Variants in KCNMA1 observed in about 807,000 individuals in gnomAD.
The protein encoded by KCNMA1 is Calcium-activated potassium channel subunit alpha-1.
Under a neutral mutation model 140.0 loss-of-function variants are expected in KCNMA1, and 29 were observed. The ratio of observed to expected loss-of-function variants is 0.21; its 90% CI spans 0.15 to 0.28. The LOEUF (loss-of-function observed/expected upper bound fraction) is 0.28. KCNMA1 is among the 10% of genes least tolerant of loss of function. KCNMA1 has a pLI of 1.00. For synonymous variants in KCNMA1, 612 were observed against 611.9 expected (o/e 1.00, Z 0.00); for missense variants, 880 against 1,602.2 (o/e 0.55, Z 7.70).
chr10:77,576,118 C>T (rs944713284), intron 1 of KCNMA1, among the ~76,000 whole-genome samples: 3 of 152,210 alleles, frequency 2.0e-5, no homozygotes, highest in Non-Finnish European at 2.9e-5. Context: ...TAGATTCATG[C>T]CCAGGAGGTT....
At chr10:77,362,954 T>C (rs1279816594) in intron 2 of KCNMA1, among the ~76,000 whole-genome samples, 3 of 152,166 alleles carry the variant, frequency 2.0e-5, no homozygotes, top group South Asian at 4.1e-4. Context: ...GTCCATGATA[T>C]AATAGGAGAG....
At chr10:77,412,213 CTG>C (rs1220046881) in intron 1 of KCNMA1, among the ~76,000 whole-genome samples, 2 of 152,230 alleles carry the variant, frequency 1.3e-5, no homozygotes, top group Non-Finnish European at 2.9e-5. Context: ...CCCCAGAGGG[CTG>C]TGAGAGAAGG....
rs1192445861 is a variant in KCNMA1, at chr10:76,886,612, G to T, written c.*654C>A. On this transcript the variant is annotated 3_prime_UTR_variant, in exon 28 of 28. Coordinates refer to ENST00000286628, the MANE Select transcript of KCNMA1 (RefSeq NM_001161352.2). ...TCATAAGAACTCCCAGAGGGAACTG[G>T]CTCTGGGACAAAAGGCCTTGGTGAG... The T allele has an allele frequency of 3.0e-6, 3 of 988,858 alleles. No individual in the cohort carries two copies. In the African/African-American group the frequency reaches 5.2e-5, roughly 17 times the overall value. 61.3% of individuals were successfully genotyped at this position (988,858 alleles called of 1,614,324 possible).
chr10:77,241,474 C>A (rs893945832), intron 3 of KCNMA1, among the ~76,000 whole-genome samples: 7 of 128,938 alleles, frequency 5.4e-5, no homozygotes. Flanking sequence ...TGAGACCCCC[C>A]CATCTCTACA....
intron 3 of KCNMA1, among the ~76,000 whole-genome samples, chr10:77,217,950 T>C (rs767062821): frequency 6.6e-6 from 1 of 152,196 alleles, no homozygotes; most frequent in African/African-American, 2.4e-5. Context: ...AAATATAAAC[T>C]ATCTATGCCA....
intron 5 of KCNMA1, among the ~76,000 whole-genome samples, chr10:77,138,370 C>T (rs1264245936): frequency 1.3e-5 from 2 of 152,176 alleles, no homozygotes; most frequent in African/African-American, 2.4e-5. Flanking sequence ...ATGATCCTCT[C>T]ACCTCAGCCT....
At chr10:77,101,167 C>G (rs1466600350) in intron 9 of KCNMA1, among the ~76,000 whole-genome samples, 2 of 152,068 alleles carry the variant, frequency 1.3e-5, no homozygotes, top group African/African-American at 4.8e-5. Context: ...GTGCCCATGT[C>G]CCACGCCCAC....
At chr10:77,270,020 C>A (rs560855565) in intron 2 of KCNMA1, among the ~76,000 whole-genome samples, 1 of 152,176 alleles carries the variant, frequency 6.6e-6, no homozygotes, top group African/African-American at 2.4e-5. Flanking sequence ...AGGCTGTTCC[C>A]TGGCTCTGTG....
chr10:77,108,315 G>T lies in KCNMA1; in HGVS notation c.1223+166C>A, dbSNP rs1302882954. 3.3e-6 allele frequency: 5 copies of T among 1,517,040 alleles called. No homozygotes were observed. Among genetic ancestry groups the T allele is most frequent in the Admixed American group, 2.2e-5 (1 of 44,484 alleles). 94.0% of individuals were successfully genotyped at this position (1,517,040 alleles called of 1,614,324 possible). A position where few individuals can be genotyped will look rare whatever the true frequency, so the allele number is the denominator to read the frequency against. On this transcript the variant is annotated intron_variant, in intron 9 of 27. Coordinates refer to ENST00000286628, the MANE Select transcript of KCNMA1 (RefSeq NM_001161352.2). The surrounding 1 kb of genome is among the most constrained non-coding windows in gnomAD (Gnocchi z 4.6). ...TGCCTCCATGTTTGTTAAAAGTCCC[G>T]CCGAATTTATTCCGACTCAGGATGA...
chr10:77,628,391 C>T (rs370838157), intron 1 of KCNMA1, among the ~76,000 whole-genome samples: 7 of 152,342 alleles, frequency 4.6e-5, no homozygotes, highest in Middle Eastern at 3.4e-3. Flanking sequence ...CGCGGTGGCT[C>T]ATGCCTGTAA....
intron 1 of KCNMA1, among the ~76,000 whole-genome samples, chr10:77,506,502 G>C (rs770817348): frequency 6.6e-6 from 1 of 151,948 alleles, no homozygotes; most frequent in African/African-American, 2.4e-5. Context: ...GACAGAGAGA[G>C]AAAGAGAGAG....
intron 1 of KCNMA1, among the ~76,000 whole-genome samples, chr10:77,608,099 G>A (rs138643956): frequency 8.1e-4 from 123 of 152,188 alleles, no homozygotes; most frequent in Non-Finnish European, 1.3e-3. Context: ...TCCAGCCTCA[G>A]AGTCTTCAAA....
intron 1 of KCNMA1, among the ~76,000 whole-genome samples, chr10:77,579,801 C>T (rs1018260215): frequency 3.3e-5 from 5 of 152,104 alleles, no homozygotes; most frequent in African/African-American, 9.7e-5. Flanking sequence ...CAGAAGGGAT[C>T]CCAGCAAAGG....
intron 5 of KCNMA1, among the ~76,000 whole-genome samples, chr10:77,155,789 A>G (rs938141745): frequency 7.2e-5 from 11 of 152,232 alleles, no homozygotes; most frequent in Non-Finnish European, 1.5e-4. Context: ...ATTGAAAGCT[A>G]TAGCCTCAGA....
Position 77,637,517 on chromosome 10 carries a change from G to A in KCNMA1, c.126C>T (p.Ser42=). 1 of 1,566,876 alleles carries A rather than the reference G, an allele frequency of 6.4e-7. No homozygotes were observed. Among genetic ancestry groups the A allele is most frequent in the Non-Finnish European group, 8.7e-7 (1 of 1,150,932 alleles). Residue 42 remains serine, a synonymous_variant, in exon 1 of 28, where the codon TCC becomes TCT. Coordinates refer to ENST00000286628, the MANE Select transcript of KCNMA1 (RefSeq NM_001161352.2). ...NHLSLDASSS[S]SSSSSSSSSS... ...AAGAAGAAGAGGAAGAGGAGGAGGA[G>A]GAGGAGGAGGACGCGTCTAGGCTGA...
At chr10:77,450,343 G>A (rs868522983) in intron 1 of KCNMA1, among the ~76,000 whole-genome samples, 6 of 152,098 alleles carry the variant, frequency 3.9e-5, no homozygotes, top group Admixed American at 2.0e-4. Flanking sequence ...GGCGTGAGCC[G>A]CTGTACCCAG....
intron 5 of KCNMA1, among the ~76,000 whole-genome samples, chr10:77,167,514 A>G (rs2154092017): frequency 6.6e-6 from 1 of 152,256 alleles, no homozygotes; most frequent in South Asian, 2.1e-4. Flanking sequence ...AACAGCTGGC[A>G]CATTACACTT....
intron 23 of KCNMA1, among the ~76,000 whole-genome samples, chr10:76,926,356 T>C (rs1184671323): frequency 6.6e-6 from 1 of 152,192 alleles, no homozygotes; most frequent in African/African-American, 2.4e-5. Context: ...TTTCCTCATC[T>C]GCAAATTGGA....
intron 2 of KCNMA1, among the ~76,000 whole-genome samples, chr10:77,352,823 G>A (rs1479361528): frequency 6.6e-6 from 1 of 152,210 alleles, no homozygotes; most frequent in Admixed American, 6.5e-5. Flanking sequence ...ACATCTACTA[G>A]GGAGAGGATG....
Sources: gnomAD v4.1 joint callset for allele counts (sites outside exome capture counted in the v4.1 genomes callset) on GRCh38, gnomAD v4.1.1 for gene constraint, Gnocchi (gnomAD v3.1) non-coding constraint, MANE v1.5 for transcripts, NCBI Gene and HGNC (gene_info 2026-07-23, HGNC 2026-07-21) for gene names.